The following UBE3B variants were observed in gnomAD, a reference collection of about 807,000 sequenced individuals.
UBE3B encodes the protein ubiquitin protein ligase E3B, also known as ubiquitin-protein ligase E3B.
UBE3B carries 80 observed loss-of-function variants against 132.3 expected under a neutral mutation model. That is an observed-to-expected ratio of 0.60 (90% CI 0.50 to 0.73). The LOEUF is 0.73. Ranked by LOEUF, UBE3B falls within the 30% of genes least tolerant of loss-of-function variation. UBE3B has a pLI of 0.00. For synonymous variants in UBE3B, 487 were observed against 520.4 expected, an observed-to-expected ratio of 0.94 and a Z score of 0.87; for missense variants, 1,196 against 1,362.5, an observed-to-expected ratio of 0.88 and a Z score of 1.92.
At position 109,508,388 on chromosome 12, in the gene UBE3B, A is replaced by G. The variant is rs1758822789; in HGVS notation, c.1622+653A>G. ...TTACCAGTTCAATAGAGGGTAAGTG[A>G]AAAAAACAGCGTCAAATACTTAGTG... On this transcript the variant is annotated intron_variant, in intron 15 of 27. Transcript: ENST00000342494. 4 of 405,718 alleles carry G rather than the reference A, an allele frequency of 9.9e-6. No homozygotes were observed. In the South Asian group the frequency reaches 4.1e-4, roughly 42 times the overall value. The allele number at this position is 405,718 out of a possible 1,614,324, so 25.1% of individuals were successfully genotyped here. A position where few individuals can be genotyped will look rare whatever the true frequency, so the allele number is the denominator to read the frequency against.
Position 109,486,567 on chromosome 12 carries a change from C to T in UBE3B, c.439C>T (p.Gln147Ter). 2 of 971,000 alleles carry T rather than the reference C, an allele frequency of 2.1e-6. No homozygotes were observed. Among genetic ancestry groups the T allele is most frequent in the Non-Finnish European group, 1.5e-6 (1 of 666,498 alleles). The allele number at this position is 971,000 out of a possible 1,614,324, so 60.1% of individuals were successfully genotyped here. Reference protein sequence around the residue: ...ILWYCCDFLKQLKPEILQDSR... With the variant: ...ILWYCCDFLK ...GTGGTACTGCTGTGATTTTCTCAAGCAGCTCAAGGTAACAAAAAAAAAAAA... is the reference window on the plus strand; with the variant it reads ...GTGGTACTGCTGTGATTTTCTCAAGTAGCTCAAGGTAACAAAAAAAAAAAA... Residue 147 changes from glutamine to a stop codon, truncating the protein, a stop_gained, in exon 6 of 28, where the codon CAG becomes TAG. Transcript: ENST00000342494. LOFTEE classifies it high-confidence loss of function.
At chr12:109,511,107 A>G (rs749509059) in intron 17 of UBE3B, 97 bp from the exon 18 acceptor site, 1 of 1,025,848 alleles carries the variant, frequency 9.7e-7, no homozygotes, top group Non-Finnish European at 1.5e-6. Context: ...AACAGACAGC[A>G]CCCTGCATGT....
At chr12:109,510,544 A>G (rs955147151) in intron 17 of UBE3B, 86 bp downstream of exon 17, 5 of 1,093,136 alleles carry the variant, frequency 4.6e-6, no homozygotes, top group South Asian at 1.4e-5. Context: ...GTTCTAGGGC[A>G]GAGAGGACTT....
In UBE3B at chr12:109,499,706, C is replaced by A. The variant is rs1255914286; in HGVS notation, c.1014C>A (p.Leu338=). ...AGACAGATGGGTTCGTGAGTTTGCTCACCCAGACGCTGTGCTACTGTCGGA... is the reference window on the plus strand; with the variant it reads ...AGACAGATGGGTTCGTGAGTTTGCTAACCCAGACGCTGTGCTACTGTCGGA... The part of the protein sequence containing the change: ...EEETDGFVSL[L]TQTLCYCRKY... The change falls in exon 12 of 28, where the codon CTC becomes CTA. Residue 338 remains leucine (L), a synonymous_variant. Coordinates refer to ENST00000342494, the MANE Select transcript of UBE3B (RefSeq NM_130466.4). The A allele has an allele frequency of 6.2e-7, 1 of 1,613,410 alleles. No homozygotes were observed. Among genetic ancestry groups the A allele is most frequent in the African/African-American group, 1.3e-5 (1 of 74,844 alleles).
Position 109,523,869 on chromosome 12 carries a change from G to A in UBE3B, c.2365-109G>A, listed in dbSNP as rs558657880. On this transcript the variant is annotated intron_variant, in intron 21 of 27. Coordinates refer to ENST00000342494, the MANE Select transcript of UBE3B (RefSeq NM_130466.4). Reference sequence around the variant, plus strand: ...CGGATTGGAAACTTAGGAGGGGCCTGGAAATGCCGATGGCACCCCTGGGCC... The same window carrying A: ...CGGATTGGAAACTTAGGAGGGGCCTAGAAATGCCGATGGCACCCCTGGGCC... 21 of 1,497,028 alleles carry A rather than the reference G, an allele frequency of 1.4e-5. No homozygotes were observed. In the South Asian group the frequency reaches 2.0e-4, roughly 15 times the overall value. The allele number at this position is 1,497,028 out of a possible 1,614,324, so 92.7% of individuals were successfully genotyped here. A position where few individuals can be genotyped will look rare whatever the true frequency, so the allele number is the denominator to read the frequency against.
chr12:109,525,247 G>A lies in UBE3B; in HGVS notation c.2568+744G>A, dbSNP rs112037575. Among the ~76,000 whole-genome samples, 558 of 152,324 alleles carry A rather than the reference G, an allele frequency of 3.7e-3. 3 individuals carry two copies. Among genetic ancestry groups the A allele is most frequent in the Non-Finnish European group, 6.2e-3 (419 of 68,034 alleles). Reference sequence around the variant, plus strand: ...GGCCTGTCCTCCTGAAAGGCCCCTGGGCAGGCTGGCACGTGAAGGCTCTGA... The same window carrying A: ...GGCCTGTCCTCCTGAAAGGCCCCTGAGCAGGCTGGCACGTGAAGGCTCTGA... On this transcript the variant is annotated intron_variant, in intron 23 of 27. Transcript: ENST00000342494.
intron 18 of UBE3B, among the ~76,000 whole-genome samples, chr12:109,513,824 T>C (rs970642358): frequency 6.6e-6 from 1 of 152,154 alleles, no homozygotes; most frequent in African/African-American, 2.4e-5. Flanking sequence ...TTGCAGGTCC[T>C]GGGGGAGTAT....
intron 14 of UBE3B, among the ~76,000 whole-genome samples, chr12:109,507,048 A>G (rs1449734314): frequency 6.6e-6 from 1 of 152,206 alleles, no homozygotes; most frequent in Non-Finnish European, 1.5e-5. Flanking sequence ...GGGCTGCCTG[A>G]TGGATGAATT....
rs901070932 is a variant in UBE3B, at chr12:109,535,033, A to G, written c.*251A>G. The G allele has an allele frequency of 1.6e-5, 6 of 369,568 alleles. No homozygotes were observed. The allele number at this position is 369,568 out of a possible 1,614,324, so 22.9% of individuals were successfully genotyped here. A position where few individuals can be genotyped will look rare whatever the true frequency, so the allele number is the denominator to read the frequency against. ...CTCCAGATTCCACCAACACGGGTCC[A>G]TTCTTCCTGGTGATGGCAGAGGGGC... On this transcript the variant is annotated 3_prime_UTR_variant, in exon 28 of 28. Coordinates refer to ENST00000342494, the MANE Select transcript of UBE3B (RefSeq NM_130466.4).
At chr12:109,542,550 A>G in the UBE3B span, among the ~76,000 whole-genome samples, 3 of 152,170 alleles carry the variant, frequency 2.0e-5, no homozygotes, top group Non-Finnish European at 2.9e-5. Flanking sequence ...ATTTGGAAAT[A>G]GGGTTGTTGT....
intron 24 of UBE3B, chr12:109,528,592 A>T: frequency 1.4e-6 from 1 of 740,508 alleles, no homozygotes; most frequent in Non-Finnish European, 1.6e-6. Flanking sequence ...GTTGGCTCAC[A>T]CCTGTAATCC....
chr12:109,516,867 C>T lies in UBE3B; in HGVS notation c.2059C>T (p.Arg687Trp), dbSNP rs762718540. Reference sequence around the variant, plus strand: ...GCATGTCACTCACATCACCATCCGCCGGTCCAGGATGCTGGAGGTGAGTGT... The same window carrying T: ...GCATGTCACTCACATCACCATCCGCTGGTCCAGGATGCTGGAGGTGAGTGT... ...SPHVTHITIR[R>W]SRMLEDGYEQ... Residue 687 changes from arginine to tryptophan, a missense_variant, in exon 19 of 28, where the codon CGG becomes TGG. Coordinates refer to ENST00000342494, the MANE Select transcript of UBE3B (RefSeq NM_130466.4). The T allele has an allele frequency of 2.5e-6, 4 of 1,613,904 alleles. No individual in the cohort carries two copies. Among genetic ancestry groups the T allele is most frequent in the Non-Finnish European group, 1.7e-6 (2 of 1,180,010 alleles).
At position 109,524,013 on chromosome 12, in the gene UBE3B, C is replaced by A. The variant is rs1302551815; in HGVS notation, c.2400C>A (p.Phe800Leu). ...IVVDVPFASF[F>L]LSQLLGHHHS... is the part of the protein sequence containing the mutation. ...TGGACGTGCCATTTGCATCCTTCTT[C>A]CTGAGCCAACTGCTTGGGCACCACC... is the stretch of plus-strand genomic sequence containing the variant. Residue 800 changes from phenylalanine to leucine, a missense_variant, in exon 22 of 28, where the codon TTC becomes TTA. Physicochemically the swap from Phe to Leu is conservative, Grantham distance 22 (BLOSUM62 0). Transcript: ENST00000342494. 1 of 1,614,184 alleles carries A rather than the reference C, an allele frequency of 6.2e-7. No homozygotes were observed.
chr12:109,484,158 A>C (rs1016315813), intron 4 of UBE3B, 177 bp downstream of exon 4: 1 of 584,878 alleles, frequency 1.7e-6, no homozygotes, highest in African/African-American at 1.9e-5. Flanking sequence ...GCTTTTAGGA[A>C]TCTTTTCACA....
At chr12:109,545,136 T>G in the UBE3B span, among the ~76,000 whole-genome samples, 2 of 152,352 alleles carry the variant, frequency 1.3e-5, no homozygotes, top group East Asian at 3.9e-4. Flanking sequence ...CTAGTCCCAC[T>G]GACTCTCCTG....
intron 4 of UBE3B, among the ~76,000 whole-genome samples, chr12:109,484,661 A>AT (rs1876090127): frequency 6.6e-6 from 1 of 150,702 alleles, no homozygotes; most frequent in South Asian, 2.1e-4. Context: ...GAGTGCTGGG[A>AT]TTACAGGCGT....
intron 9 of UBE3B, among the ~76,000 whole-genome samples, chr12:109,496,077 C>T (rs569045443): frequency 6.6e-6 from 1 of 152,374 alleles, no homozygotes; most frequent in African/African-American, 2.4e-5. Flanking sequence ...CTTTTCCCCT[C>T]TCCCCAGAAC....
rs1883273523 is a variant in UBE3B at position 109,534,538 on chromosome 12, T to C, written c.3016-53T>C. 6.4e-7 allele frequency: 1 copy of C among 1,553,830 alleles called. No individual in the cohort carries two copies. The highest frequency in any genetic ancestry group is 1.4e-5 in the African/African-American group (1 of 72,820). On this transcript the variant is annotated intron_variant, in intron 27 of 27. Transcript: ENST00000342494. The surrounding 1 kb of genome is among the most constrained non-coding windows in gnomAD (Gnocchi z 5.2). ...GGGCTCCCTGGCCTTGGCATCAGCCTGGGCTCCCAAACTAGGCCCTTCCCA... is the reference window on the plus strand; with the variant it reads ...GGGCTCCCTGGCCTTGGCATCAGCCCGGGCTCCCAAACTAGGCCCTTCCCA...
chr12:109,506,292 A>C (rs1220053973), intron 14 of UBE3B, among the ~76,000 whole-genome samples: 2 of 152,212 alleles, frequency 1.3e-5, no homozygotes, highest in African/African-American at 4.8e-5. Flanking sequence ...CCAGCCCACT[A>C]CTTGTTTTTG....
Sources: gnomAD v4.1 joint callset for allele counts (sites outside exome capture counted in the v4.1 genomes callset) on GRCh38, gnomAD v4.1.1 for gene constraint, Gnocchi (gnomAD v3.1) non-coding constraint, MANE v1.5 for transcripts, NCBI Gene and HGNC (gene_info 2026-07-23, HGNC 2026-07-21) for gene names.